Variants in ODC1 observed in about 807,000 individuals in gnomAD.
ODC1 encodes ornithine decarboxylase 1, also known as ornithine decarboxylase.
Under a neutral mutation model 41.5 loss-of-function variants are expected in ODC1, and 18 were observed. That is an observed-to-expected ratio of 0.43 (90% confidence interval 0.30 to 0.64). The LOEUF is 0.64. Among genes scored for constraint, ODC1 ranks in the 30% least tolerant of loss-of-function variants. ODC1 has a pLI of 0.11. For synonymous variants in ODC1, 218 were observed against 211.6 expected, an observed-to-expected ratio of 1.03 and a Z score of -0.26; for missense variants, 504 against 589.0, an observed-to-expected ratio of 0.86 and a Z score of 1.49.
In ODC1 at chr2:10,440,764, C is replaced by A. The variant is rs763621553; in HGVS notation, c.1346G>T (p.Arg449Leu). 6.2e-7 allele frequency: 1 copy of A among 1,613,964 alleles called. No individual in the cohort carries two copies. Among genetic ancestry groups the A allele is most frequent in the Non-Finnish European group, 8.5e-7 (1 of 1,179,990 alleles). ...VSCAWESGMK[R>L]HRAACASASI... Reference sequence around the variant, plus strand: ...AGCCGAAGCACAGGCTGCTCTGTGGCGTTTCATCCCACTCTCCCAGGCACA... The same window carrying A: ...AGCCGAAGCACAGGCTGCTCTGTGGAGTTTCATCCCACTCTCCCAGGCACA... Residue 449 changes from arginine to leucine, a missense_variant, in exon 12 of 12, where the codon CGC becomes CTC. Around this residue, in one of 3 missense-constraint regions of ODC1, gnomAD observed 447 missense variants for 524.4 expected, o/e 0.85. Coordinates refer to ENST00000234111, the MANE Select transcript of ODC1 (RefSeq NM_002539.3).
At position 10,445,178 on chromosome 2, in the gene ODC1, G is replaced by T; in HGVS notation, c.-41C>A. The T allele has an allele frequency of 1.7e-6, 1 of 585,612 alleles. No homozygotes were observed. The highest frequency in any genetic ancestry group is 2.0e-5 in the South Asian group (1 of 49,620). 36.3% of individuals were successfully genotyped at this position (585,612 alleles called of 1,614,324 possible). On this transcript the variant is annotated 5_prime_UTR_variant, in exon 2 of 12. Coordinates refer to ENST00000234111, the MANE Select transcript of ODC1 (RefSeq NM_002539.3). ...ACATGGAAAACTAAGAGATGGAATT[G>T]AAAGAAATATTTCCAGCTTCTCACA...
rs942580906 is a variant in ODC1 at position 10,443,967 on chromosome 2, C to T, written c.449+128G>A. 5.8e-5 allele frequency: 85 copies of T among 1,460,560 alleles called. No homozygotes were observed. The African/African-American group carries it at 9.1e-4, about 16-fold the overall frequency. 90.5% of individuals were successfully genotyped at this position (1,460,560 alleles called of 1,614,324 possible). Reference sequence around the variant, plus strand: ...GTAGTTTGAGTCCCAGGCTTCATGACTCAATGGGGGTTTCAACTACTTTCT... The same window carrying T: ...GTAGTTTGAGTCCCAGGCTTCATGATTCAATGGGGGTTTCAACTACTTTCT... On this transcript the variant is annotated intron_variant, in intron 5 of 11. Coordinates refer to ENST00000234111, the MANE Select transcript of ODC1 (RefSeq NM_002539.3).
intron 1 of ODC1, chr2:10,447,377 CT>C (rs796405037): frequency 7.9e-5 from 12 of 152,226 alleles, no homozygotes; most frequent in African/African-American, 2.9e-4. Context: ...CCAACACATT[CT>C]TTGTCCTCCC....
At chr2:10,445,732 T>C (rs1338248351) in intron 1 of ODC1, among the ~76,000 whole-genome samples, 2 of 151,792 alleles carry the variant, frequency 1.3e-5, no homozygotes, top group African/African-American at 2.4e-5. Context: ...GCCTCCCGGG[T>C]TCAAGCGATT....
intron 7 of ODC1, 39 bp from the exon 8 acceptor site, chr2:10,443,352 A>G (rs190678797): frequency 6.3e-7 from 1 of 1,591,330 alleles, no homozygotes; most frequent in Non-Finnish European, 8.6e-7. Context: ...TCCACAGCTA[A>G]TAACAAAAAT....
rs28362374 is a variant in ODC1, at chr2:10,448,053, G to A, written c.-128+68C>T. 4.5e-3 allele frequency: 711 copies of A among 157,366 alleles called. 4 individuals carry two copies. Among genetic ancestry groups the A allele is most frequent in the South Asian group, 8.2e-3 (40 of 4,896 alleles). The allele number at this position is 157,366 out of a possible 1,614,324, so 9.7% of individuals were successfully genotyped here. On this transcript the variant is annotated intron_variant, in intron 1 of 11. Transcript: ENST00000234111. ...GCGCCGCACACGTGCCCGGGGCCCGGGGCCCGCAGCCCGCCCCGGCTCCCG... is the reference window on the plus strand; with the variant it reads ...GCGCCGCACACGTGCCCGGGGCCCGAGGCCCGCAGCCCGCCCCGGCTCCCG...
Position 10,440,592 on chromosome 2 carries a change from T to C in ODC1, c.*132A>G, listed in dbSNP as rs1480230346. The C allele has an allele frequency of 3.7e-6, 3 of 812,774 alleles. No homozygotes were observed. Among genetic ancestry groups the C allele is most frequent in the Admixed American group, 5.4e-5 (2 of 36,790 alleles). 50.3% of individuals were successfully genotyped at this position (812,774 alleles called of 1,614,324 possible). A position where few individuals can be genotyped will look rare whatever the true frequency, so the allele number is the denominator to read the frequency against. On this transcript the variant is annotated 3_prime_UTR_variant, in exon 12 of 12. Transcript: ENST00000234111. Reference sequence around the variant, plus strand: ...GATAAGTGTGACCCATATCCTAGTCTTCCATATGGCTGCATCATGGCGACC... The same window carrying C: ...GATAAGTGTGACCCATATCCTAGTCCTCCATATGGCTGCATCATGGCGACC...
chr2:10,442,896 A>G (rs1434853717), intron 8 of ODC1, among the ~76,000 whole-genome samples: 2 of 151,664 alleles, frequency 1.3e-5, no homozygotes, highest in African/African-American at 4.9e-5. Flanking sequence ...TTTTTTTTGT[A>G]GAGATGGGGT....
In ODC1 at chr2:10,440,756, C is replaced by T. The variant is rs776502739; in HGVS notation, c.1354G>A (p.Ala452Thr). Residue 452 changes from alanine to threonine, a missense_variant, in exon 12 of 12, where the codon GCA becomes ACA. By Grantham distance (58) the Ala-to-Thr change is moderately conservative (BLOSUM62 0). Around this residue, in one of 3 missense-constraint regions of ODC1, gnomAD observed 447 missense variants for 524.4 expected, o/e 0.85. Transcript: ENST00000234111. ...AWESGMKRHR[A>T]ACASASINV ...TTAATACTAGCCGAAGCACAGGCTG[C>T]TCTGTGGCGTTTCATCCCACTCTCC... 57 of 1,614,008 alleles carry T rather than the reference C, an allele frequency of 3.5e-5. No homozygotes were observed. Among genetic ancestry groups the T allele is most frequent in the Middle Eastern group, 3.3e-4 (2 of 6,078 alleles).
chr2:10,441,700 A>C lies in ODC1; in HGVS notation c.1050T>G (p.Tyr350Ter). The C allele has an allele frequency of 6.2e-7, 1 of 1,614,190 alleles. No homozygotes were observed. The highest frequency in any genetic ancestry group is 8.5e-7 in the Non-Finnish European group (1 of 1,180,020). ...LQKRPKPDEK[Y>*]YSSSIWGPTC... Reference sequence around the variant, plus strand: ...TTGGTCCCCATATGCTGGATGAATAATACTTCTCATCTGGTTTAGGTCTCT... The same window carrying C: ...TTGGTCCCCATATGCTGGATGAATACTACTTCTCATCTGGTTTAGGTCTCT... The change falls in exon 11 of 12, where the codon TAT (tyrosine) becomes TAG (stop). Residue 350 changes from tyrosine to a stop codon, truncating the protein, a stop_gained. Transcript: ENST00000234111. LOFTEE classifies it high-confidence loss of function.
chr2:10,441,418 C>A, intron 11 of ODC1, 91 bp downstream of exon 11: 1 of 1,323,440 alleles, frequency 7.6e-7, no homozygotes, highest in Non-Finnish European at 1.0e-6. Context: ...TAATCTTAGG[C>A]AAGACAATTT....
rs1671775288 is a variant in ODC1, at chr2:10,440,228, A to C, written c.*496T>G. 2 of 154,848 alleles carry C rather than the reference A, an allele frequency of 1.3e-5. No homozygotes were observed. The highest frequency in any genetic ancestry group is 1.3e-4 in the Admixed American group (2 of 15,600). 9.6% of individuals were successfully genotyped at this position (154,848 alleles called of 1,614,324 possible). A position where few individuals can be genotyped will look rare whatever the true frequency, so the allele number is the denominator to read the frequency against. Reference sequence around the variant, plus strand: ...TGGACATGTGGGGTGGGCTGAGCAGATGTGCACCGTCCACATGGGAGGATG... The same window carrying C: ...TGGACATGTGGGGTGGGCTGAGCAGCTGTGCACCGTCCACATGGGAGGATG... On this transcript the variant is annotated 3_prime_UTR_variant, in exon 12 of 12. Transcript: ENST00000234111.
Position 10,442,699 on chromosome 2 carries a change from C to G in ODC1, c.751-525G>C, listed in dbSNP as rs140976041. 5.6e-3 allele frequency among the ~76,000 whole-genome samples: 852 copies of G among 152,114 alleles called. 6 individuals are homozygous for G. The highest frequency in any genetic ancestry group is 0.01 in the Middle Eastern group (3 of 292). ...CAGTCAGCATATTCTCTAGGAAGCC[C>G]ACAGCAACATGCTTTTTCTTTTTTT... is the stretch of plus-strand genomic sequence containing the variant. On this transcript the variant is annotated intron_variant, in intron 8 of 11. Transcript: ENST00000234111.
chr2:10,445,707 C>T (rs1572146924), intron 1 of ODC1, among the ~76,000 whole-genome samples: 1 of 152,322 alleles, frequency 6.6e-6, no homozygotes, highest in South Asian at 2.1e-4. Flanking sequence ...GCAATCTTGG[C>T]TCACTGCAAC....
At chr2:10,443,069 T>A (rs1313979810) in intron 8 of ODC1, among the ~76,000 whole-genome samples, 161 bp downstream of exon 8, 1 of 152,184 alleles carries the variant, frequency 6.6e-6, no homozygotes, top group Non-Finnish European at 1.5e-5. Context: ...AACCAAATGG[T>A]ATCAAGTGTA....
In ODC1 at chr2:10,441,679, T is replaced by G. The variant is rs779804669; in HGVS notation, c.1071A>C (p.Gly357=). ...TCCGATCGAGGCCATCACATGTTGG[T>G]CCCCATATGCTGGATGAATAATACT... The part of the protein sequence containing the change: ...DEKYYSSSIW[G]PTCDGLDRIV... Residue 357 remains glycine, a synonymous_variant, in exon 11 of 12, where the codon GGA becomes GGC. Coordinates refer to ENST00000234111, the MANE Select transcript of ODC1 (RefSeq NM_002539.3). The G allele has an allele frequency of 8.1e-6, 13 of 1,614,186 alleles. No individual in the cohort carries two copies. The highest frequency in any genetic ancestry group is 9.3e-6 in the Non-Finnish European group (11 of 1,180,036).
chr2:10,446,238 A>G lies in ODC1; in HGVS notation c.-127-974T>C, dbSNP rs140938192. On this transcript the variant is annotated intron_variant, in intron 1 of 11. Coordinates refer to ENST00000234111, the MANE Select transcript of ODC1 (RefSeq NM_002539.3). ...AACCTCCGCCTCCTGGGTTCAAGCG[A>G]TTCTCCTGCCTCAGTCTCCCGAGTA... 4.5e-3 allele frequency among the ~76,000 whole-genome samples: 685 copies of G among 150,826 alleles called. 9 individuals carry two copies. The highest frequency in any genetic ancestry group is 0.016 in the African/African-American group (656 of 40,958).
intron 6 of ODC1, 57 bp from the exon 7 acceptor site, chr2:10,443,628 A>G: frequency 6.2e-7 from 1 of 1,606,104 alleles, no homozygotes; most frequent in Non-Finnish European, 8.5e-7. Context: ...AAATAATAGC[A>G]AACACTAGGA....
intron 11 of ODC1, 126 bp downstream of exon 11, chr2:10,441,383 C>G: frequency 1.0e-6 from 1 of 1,001,762 alleles, no homozygotes; most frequent in East Asian, 2.6e-5. Context: ...TAAAACTTTT[C>G]TTAGGAAAAA....
Sources: allele counts gnomAD v4.1 joint callset (sites outside exome capture counted in the v4.1 genomes callset), GRCh38; gene constraint gnomAD v4.1.1; regional missense constraint gnomAD v4.1.1; transcripts MANE v1.5; gene names NCBI Gene and HGNC (gene_info 2026-07-23, HGNC 2026-07-21).